The following MAP3K15 variants were observed in gnomAD, a reference collection of about 807,000 sequenced individuals.
MAP3K15 encodes the protein MAPK/ERK kinase kinase 15.
Under a neutral mutation model 99.5 loss-of-function variants are expected in MAP3K15, and 124 were observed. The observed-to-expected ratio is 1.25, with a 90% CI of 1.08 to 1.45. MAP3K15 has a LOEUF of 1.45. Ranked by LOEUF, MAP3K15 falls within the 40% of genes most tolerant of loss-of-function variation. MAP3K15 has a pLI of 0.00. For synonymous variants in MAP3K15, 494 were observed against 439.6 expected (o/e 1.12, Z -1.55); for missense variants, 1,242 against 1,079.7 (o/e 1.15, Z -2.11).
chrX:19,442,704 T>A (rs1409946145), intron 6 of MAP3K15, among the ~76,000 whole-genome samples: 6 of 99,994 alleles, frequency 6.0e-5, no homozygotes, highest in African/African-American at 2.3e-4. Flanking sequence ...TTTATTATTA[T>A]TATTATTATT....
At chrX:19,490,901 A>G (rs766249774) in intron 1 of MAP3K15, among the ~76,000 whole-genome samples, 1 of 111,988 alleles carries the variant, frequency 8.9e-6, no homozygotes, top group South Asian at 3.7e-4. Flanking sequence ...AACTCAAAAC[A>G]TTCTAGAGGA....
chrX:19,370,202 A>G (rs1423168732), intron 24 of MAP3K15, among the ~76,000 whole-genome samples: 1 of 111,749 alleles, frequency 8.9e-6, no homozygotes, highest in East Asian at 2.8e-4. Flanking sequence ...CTTTGGTAAC[A>G]TTTCAAAAAG....
chrX:19,395,625 G>A (rs1456444997), intron 15 of MAP3K15, among the ~76,000 whole-genome samples: 4 of 111,156 alleles, frequency 3.6e-5, no homozygotes, highest in Non-Finnish European at 5.7e-5. Context: ...CTACAGAGTC[G>A]CCCCAGACCA....
chrX:19,483,109 T>G (rs1280475336), intron 3 of MAP3K15, among the ~76,000 whole-genome samples: 1 of 108,472 alleles, frequency 9.2e-6, no homozygotes, highest in Non-Finnish European at 1.9e-5. Context: ...AATACAAAAA[T>G]TAGCCGGTCA....
At chrX:19,419,684 C>G (rs2063766727) in intron 9 of MAP3K15, among the ~76,000 whole-genome samples, 1 of 111,012 alleles carries the variant, frequency 9.0e-6, no homozygotes, top group South Asian at 3.7e-4. Context: ...CTGCACCAAG[C>G]AGACCTAATA....
chrX:19,402,809 C>T (rs959116894), intron 13 of MAP3K15, among the ~76,000 whole-genome samples: 20 of 110,967 alleles, frequency 1.8e-4, no homozygotes, highest in African/African-American at 5.9e-4. Context: ...GGACTGGAGG[C>T]GCACACCACC....
At chrX:19,411,670 G>C (rs1428937561) in intron 11 of MAP3K15, among the ~76,000 whole-genome samples, 16 of 109,815 alleles carry the variant, frequency 1.5e-4, no homozygotes, top group Non-Finnish European at 2.9e-4. Flanking sequence ...TGAACAGAAA[G>C]CTAAAGTGGG....
At chrX:19,385,906 T>G (rs907535701) in intron 18 of MAP3K15, among the ~76,000 whole-genome samples, 1 of 112,002 alleles carries the variant, frequency 8.9e-6, no homozygotes, top group African/African-American at 3.2e-5. Flanking sequence ...TACAGGGCAC[T>G]AATGGAAAAC....
In MAP3K15 at chrX:19,392,460, A is replaced by G. The variant is rs371400529; in HGVS notation, c.2208T>C (p.Ala736=). Residue 736 remains alanine (A), a synonymous_variant, in exon 17 of 29, where the codon GCT becomes GCC. Coordinates refer to ENST00000338883, the MANE Select transcript of MAP3K15 (RefSeq NM_001001671.4). ...MEQVPGGSLS[A]LLRSKWGPMK... ...TCGGCCCCCATTTGGATCGCAGAAG[A>G]GCAGAAAGGCTTCCTAGAGACAGTC... 93 of 1,206,332 alleles carry G rather than the reference A, an allele frequency of 7.7e-5. No individual in the cohort carries two copies. Among genetic ancestry groups the G allele is most frequent in the Non-Finnish European group, 3.6e-5 (32 of 893,888 alleles).
intron 1 of MAP3K15, among the ~76,000 whole-genome samples, chrX:19,494,648 C>G (rs2064388816): frequency 9.0e-6 from 1 of 111,145 alleles, no homozygotes; most frequent in Non-Finnish European, 1.9e-5. Context: ...AAATGATTTA[C>G]CATATAGTAA....
intron 6 of MAP3K15, among the ~76,000 whole-genome samples, chrX:19,455,468 C>T (rs1452927245): frequency 9.6e-6 from 1 of 104,568 alleles, no homozygotes; most frequent in African/African-American, 3.5e-5. Flanking sequence ...CCTTAGCCTC[C>T]TGAGTAGCTG....
intron 3 of MAP3K15, among the ~76,000 whole-genome samples, chrX:19,474,437 A>G (rs1214329289): frequency 9.5e-6 from 1 of 105,225 alleles, no homozygotes; most frequent in Non-Finnish European, 1.9e-5. Context: ...ATTAGATGAT[A>G]GAGGCTTAAT....
chrX:19,442,106 G>C (rs1009389184), intron 6 of MAP3K15, among the ~76,000 whole-genome samples: 3 of 111,467 alleles, frequency 2.7e-5, no homozygotes, highest in Non-Finnish European at 5.7e-5. Flanking sequence ...GGTTCCCTCG[G>C]TCAGGAAGAT....
At chrX:19,456,724 G>A (rs1226500628) in intron 6 of MAP3K15, among the ~76,000 whole-genome samples, 189 bp downstream of exon 6, 1 of 111,905 alleles carries the variant, frequency 8.9e-6, no homozygotes, top group African/African-American at 3.3e-5. Context: ...GGATTGATGT[G>A]TTCAATCTCA....
In MAP3K15 at chrX:19,392,327, T is replaced by C; in HGVS notation, c.2325+16A>G. The stretch of plus-strand genomic sequence containing the variant: ...TACGAGCAAAGGCAACCTCGTCAGC[T>C]TAAAAAAGCAAGTACCTTTATGTCT... On this transcript the variant is annotated intron_variant, in intron 17 of 28. Coordinates refer to ENST00000338883, the MANE Select transcript of MAP3K15 (RefSeq NM_001001671.4). 1 of 1,201,756 alleles carries C rather than the reference T, an allele frequency of 8.3e-7. No homozygotes were observed. Among genetic ancestry groups the C allele is most frequent in the Middle Eastern group, 2.3e-4 (1 of 4,290 alleles).
chrX:19,385,526 G>A lies in MAP3K15; in HGVS notation c.2432-5249C>T, dbSNP rs148813874. The stretch of plus-strand genomic sequence containing the variant: ...TGACTATCAGGAGGTAGGGATCATT[G>A]GGGGTCATTTTGGAGGCTGCCTGCC... On this transcript the variant is annotated intron_variant, in intron 18 of 28. Coordinates refer to ENST00000338883, the MANE Select transcript of MAP3K15 (RefSeq NM_001001671.4). Among the ~76,000 whole-genome samples, 302 of 111,248 alleles carry A rather than the reference G, an allele frequency of 2.7e-3. 1 individual carries two copies. The highest frequency in any genetic ancestry group is 8.6e-3 in the African/African-American group (263 of 30,678).
intron 7 of MAP3K15, among the ~76,000 whole-genome samples, chrX:19,428,714 A>C (rs1199400320): frequency 8.9e-6 from 1 of 111,950 alleles, no homozygotes; most frequent in Non-Finnish European, 1.9e-5. Context: ...CGCCTGTAAT[A>C]CCAGCACTTC....
intron 2 of MAP3K15, among the ~76,000 whole-genome samples, chrX:19,487,383 A>C (rs774773699): frequency 2.2e-4 from 25 of 111,879 alleles, no homozygotes; most frequent in Non-Finnish European, 3.6e-4. Context: ...ATTGAAAAAA[A>C]AATTCTAATT....
intron 10 of MAP3K15, among the ~76,000 whole-genome samples, chrX:19,413,722 A>G (rs1375113911): frequency 1.0e-5 from 1 of 100,382 alleles, no homozygotes; most frequent in Non-Finnish European, 2.0e-5. Flanking sequence ...AAAAGAGGTG[A>G]TAGCCCATCA....
Sources: allele counts gnomAD v4.1 joint callset (sites outside exome capture counted in the v4.1 genomes callset), GRCh38; gene constraint gnomAD v4.1.1; transcripts MANE v1.5; gene names NCBI Gene and HGNC (gene_info 2026-07-23, HGNC 2026-07-21).